Variants in TOX observed in about 807,000 individuals in gnomAD.
TOX encodes the protein thymocyte selection-associated high mobility group box protein TOX.
Under a neutral mutation model 53.7 loss-of-function variants are expected in TOX, and 11 were observed. That is an observed-to-expected ratio of 0.20 (90% confidence interval 0.13 to 0.34). The LOEUF (loss-of-function observed/expected upper bound fraction) is 0.34. Ranked by LOEUF, TOX falls within the 10% of genes least tolerant of loss-of-function variation. The pLI is 1.00. For synonymous variants in TOX, 225 were observed against 245.3 expected (o/e 0.92, Z 0.77); for missense variants, 570 against 664.6 (o/e 0.86, Z 1.56).
chr8:58,944,557 C>T (rs4527857), intron 2 of TOX, among the ~76,000 whole-genome samples: 39,434 of 152,108 alleles, frequency 0.26, 6,204 homozygotes, highest in East Asian at 0.4. Context: ...TGCATGTTGC[C>T]AAGAATTGAG....
Position 58,815,521 on chromosome 8 carries a change from T to C in TOX, c.1209A>G (p.Gln403=), listed in dbSNP as rs1046178158. 5.6e-6 allele frequency: 9 copies of C among 1,613,910 alleles called. No individual in the cohort carries two copies. In the Admixed American group the frequency reaches 1.2e-4, roughly 21 times the overall value. Residue 403 remains glutamine, a synonymous_variant, in exon 7 of 9, where the codon CAA becomes CAG. Coordinates refer to ENST00000361421, the MANE Select transcript of TOX (RefSeq NM_014729.3). ...TTGCTATAGAGACAGTCACTGGCAT[T>C]TGGTTATTCGGCTTGGGGGCTATGT... ...PRNIAPKPNN[Q]MPVTVSIANM...
intron 1 of TOX, among the ~76,000 whole-genome samples, chr8:59,097,263 A>T (rs935295793): frequency 6.6e-6 from 1 of 152,154 alleles, no homozygotes; most frequent in Admixed American, 6.5e-5. Flanking sequence ...TACCTGTCTG[A>T]GAAACCCCAA....
chr8:58,951,218 G>C (rs1812615079), intron 2 of TOX, among the ~76,000 whole-genome samples: 1 of 152,108 alleles, frequency 6.6e-6, no homozygotes, highest in Non-Finnish European at 1.5e-5. Context: ...TTGAGGTCTG[G>C]TTAAGTCACT....
chr8:58,847,604 G>A (rs1362566715), intron 4 of TOX, among the ~76,000 whole-genome samples: 2 of 151,994 alleles, frequency 1.3e-5, no homozygotes, highest in African/African-American at 4.8e-5. Flanking sequence ...ATGGGATAGA[G>A]GCAGTATCTG....
Position 58,939,294 on chromosome 8 carries a change from A to G in TOX, c.411+8T>C, listed in dbSNP as rs79446072. On this transcript the variant is annotated splice_region_variant and intron_variant, in intron 3 of 8. Transcript: ENST00000361421. ...GCCCCCACCACAAACAGGTAAGCAG[A>G]TTCTTACCACAGAAATGGAATTAGA... 0.062 allele frequency: 100,637 copies of G among 1,613,818 alleles called. 4,021 individuals are homozygous for G. Among genetic ancestry groups the G allele is most frequent in the East Asian group, 0.22 (9,853 of 44,854 alleles).
intron 1 of TOX, among the ~76,000 whole-genome samples, chr8:59,045,704 C>T (rs1254370242): frequency 6.6e-6 from 1 of 152,122 alleles, no homozygotes; most frequent in Non-Finnish European, 1.5e-5. Flanking sequence ...TTCTGGGGTC[C>T]TGTGCTTCAT....
chr8:59,031,367 G>T (rs1321513581), intron 1 of TOX, among the ~76,000 whole-genome samples: 2 of 152,116 alleles, frequency 1.3e-5, no homozygotes, highest in Non-Finnish European at 2.9e-5. Context: ...CACACCAACT[G>T]GGCATACATC....
chr8:59,110,299 C>T (rs987612057), intron 1 of TOX, among the ~76,000 whole-genome samples: 1 of 152,074 alleles, frequency 6.6e-6, no homozygotes, highest in Non-Finnish European at 1.5e-5. Flanking sequence ...GTTATCCTGC[C>T]TCTTTATTAT....
chr8:58,841,667 TA>T (rs1265716168), intron 4 of TOX, among the ~76,000 whole-genome samples: 7 of 152,110 alleles, frequency 4.6e-5, no homozygotes. Flanking sequence ...GTTCTCATTT[TA>T]AAAAAAGTGA....
intron 1 of TOX, among the ~76,000 whole-genome samples, chr8:58,978,851 G>T (rs16924364): frequency 0.2 from 30,376 of 152,134 alleles, 3,243 homozygotes; most frequent in Non-Finnish European, 0.22. Flanking sequence ...GTGTCATACA[G>T]AAAAGGAGCT....
chr8:58,980,623 C>A (rs932919312), intron 1 of TOX, among the ~76,000 whole-genome samples: 3 of 152,122 alleles, frequency 2.0e-5, no homozygotes, highest in African/African-American at 7.2e-5. Flanking sequence ...CCCTCATGTT[C>A]CAGGCATATT....
At chr8:58,965,756 G>A (rs75069238) in intron 1 of TOX, among the ~76,000 whole-genome samples, 13,735 of 152,046 alleles carry the variant, frequency 0.09, 673 homozygotes, top group Middle Eastern at 0.14. Context: ...GCTAAAAATG[G>A]AAATGTTTAT....
In TOX at chr8:58,851,868, C is replaced by A; in HGVS notation, c.412-63G>T. 8.1e-7 allele frequency: 1 copy of A among 1,233,910 alleles called. No individual in the cohort carries two copies. 76.4% of individuals were successfully genotyped at this position (1,233,910 alleles called of 1,614,324 possible). ...ATAAATAGGAAAGGAGTAATTTTAA[C>A]AAATATGTTTTGGGCAAAAAAGTAA... On this transcript the variant is annotated intron_variant, in intron 3 of 8. Coordinates refer to ENST00000361421, the MANE Select transcript of TOX (RefSeq NM_014729.3). This position sits in a 1 kb window ranked among gnomAD's most constrained non-coding sequence, Gnocchi z 4.4.
chr8:58,885,736 G>T (rs1173693686), intron 3 of TOX, among the ~76,000 whole-genome samples: 1 of 152,130 alleles, frequency 6.6e-6, no homozygotes, highest in African/African-American at 2.4e-5. Context: ...GATTAGTCTG[G>T]TGTGTTTGCT....
rs565076627 is a variant in TOX, at chr8:58,944,372, G to A, written c.169-4828C>T. On this transcript the variant is annotated intron_variant, in intron 2 of 8. Transcript: ENST00000361421. Reference sequence around the variant, plus strand: ...TACCAACCTCAAGAGTATTTCTATGGTTCTATAATAGAGAGTCAATTACTA... The same window carrying A: ...TACCAACCTCAAGAGTATTTCTATGATTCTATAATAGAGAGTCAATTACTA... Among the ~76,000 whole-genome samples the A allele has an allele frequency of 5.9e-5, 9 of 152,312 alleles. No individual in the cohort carries two copies. In the South Asian group the frequency reaches 1.9e-3, roughly 32 times the overall value.
At position 59,035,054 on chromosome 8, in the gene TOX, A is replaced by T. The variant is rs137993801; in HGVS notation, c.103-75046T>A. ...CAGGTGTGGGCGGAAGGAAAGCCACAGGGAATGGGGCAGCACACCTGTCTT... is the reference window on the plus strand; with the variant it reads ...CAGGTGTGGGCGGAAGGAAAGCCACTGGGAATGGGGCAGCACACCTGTCTT... On this transcript the variant is annotated intron_variant, in intron 1 of 8. Transcript: ENST00000361421. Among the ~76,000 whole-genome samples, 84 of 152,296 alleles carry T rather than the reference A, an allele frequency of 5.5e-4. No homozygotes were observed. In the East Asian group the frequency reaches 0.013, roughly 24 times the overall value.
chr8:58,852,073 C>T (rs1285262605), intron 3 of TOX, among the ~76,000 whole-genome samples: 1 of 151,822 alleles, frequency 6.6e-6, no homozygotes, highest in Admixed American at 6.6e-5. Context: ...ATTATATTTA[C>T]AGTCTTTCTA....
At chr8:58,983,610 A>G (rs1315987651) in intron 1 of TOX, among the ~76,000 whole-genome samples, 1 of 152,246 alleles carries the variant, frequency 6.6e-6, no homozygotes, top group Admixed American at 6.5e-5. Flanking sequence ...ATACAAATAA[A>G]TATCAAATGA....
At chr8:59,048,894 T>C (rs1488076496) in intron 1 of TOX, among the ~76,000 whole-genome samples, 3 of 152,184 alleles carry the variant, frequency 2.0e-5, no homozygotes, top group African/African-American at 7.2e-5. Context: ...TTTATATAAG[T>C]ATGTATAAGC....
Sources: gnomAD v4.1 joint callset for allele counts (sites outside exome capture counted in the v4.1 genomes callset) on GRCh38, gnomAD v4.1.1 for gene constraint, Gnocchi (gnomAD v3.1) non-coding constraint, MANE v1.5 for transcripts, NCBI Gene and HGNC (gene_info 2026-07-23, HGNC 2026-07-21) for gene names.